CYFIP1: variants seen among roughly 807,000 people sequenced by gnomAD.
The protein encoded by CYFIP1 is cytoplasmic FMR1 interacting protein 1.
A neutral mutation model predicts 163.5 loss-of-function variants in CYFIP1; 58 were observed. The observed-to-expected ratio is 0.35, with a 90% CI of 0.29 to 0.44. The LOEUF is 0.44. Ranked by LOEUF, CYFIP1 falls within the 20% of genes least tolerant of loss-of-function variation. The pLI, the probability that CYFIP1 is intolerant of heterozygous loss-of-function variation, is 1.00. For missense variants in CYFIP1, 1,338 were observed against 1,653.8 expected, an observed-to-expected ratio of 0.81 and a Z score of 3.31; for synonymous variants, 663 against 660.7, an observed-to-expected ratio of 1.00 and a Z score of -0.05.
chr15:22,932,154 T>G lies in CYFIP1; in HGVS notation c.1110+69A>C, dbSNP rs1418504964. 1.3e-5 allele frequency: 15 copies of G among 1,123,296 alleles called. 1 individual carries two copies. In the East Asian group the frequency reaches 3.5e-4, roughly 26 times the overall value. The allele number at this position is 1,123,296 out of a possible 1,614,324, so 69.6% of individuals were successfully genotyped here. A position where few individuals can be genotyped will look rare whatever the true frequency, so the allele number is the denominator to read the frequency against. ...AACTGTTTTTCAAAGCAATTAAACC[T>G]AAGATTTGGGTGCAAACACACACAG... is the stretch of plus-strand genomic sequence containing the variant. On this transcript the variant is annotated intron_variant, in intron 11 of 30. Transcript: ENST00000617928.
At chr15:22,946,246 G>C (rs754833188) in intron 3 of CYFIP1, among the ~76,000 whole-genome samples, 14 of 151,734 alleles carry the variant, frequency 9.2e-5, no homozygotes. Flanking sequence ...TGAGGCTGCA[G>C]TGAGCCCTAA....
rs1201474863 is a variant in CYFIP1 at position 22,883,650 on chromosome 15, T to C, written c.2677-639A>G. Among the ~76,000 whole-genome samples, 6 of 152,048 alleles carry C rather than the reference T, an allele frequency of 3.9e-5. No homozygotes were observed. In the East Asian group the frequency reaches 5.8e-4, roughly 15 times the overall value. On this transcript the variant is annotated intron_variant, in intron 23 of 30. Transcript: ENST00000617928. ...GGCTAACACGGTGAAACCCCGTCTC[T>C]ACTAAATATACAAAAAATTAGCCGG...
At chr15:22,932,183 A>C in intron 11 of CYFIP1, 40 bp downstream of exon 11, 12 of 1,470,212 alleles carry the variant, frequency 8.2e-6, no homozygotes, top group Non-Finnish European at 1.1e-5. Context: ...CACACAGGCG[A>C]CCCTCGGGTG....
Position 22,885,011 on chromosome 15 carries a change from G to C in CYFIP1, c.2677-2000C>G, listed in dbSNP as rs566720022. ...GAGGGGGAACCATAGGGGCAGGGCAGGCCCTGGGCCCAGCCAAGAAAACCA... is the reference window on the plus strand; with the variant it reads ...GAGGGGGAACCATAGGGGCAGGGCACGCCCTGGGCCCAGCCAAGAAAACCA... On this transcript the variant is annotated intron_variant, in intron 23 of 30. Transcript: ENST00000617928. Among the ~76,000 whole-genome samples, 7 of 152,092 alleles carry C rather than the reference G, an allele frequency of 4.6e-5. No individual in the cohort carries two copies. In the South Asian group the frequency reaches 1.2e-3, roughly 27 times the overall value.
chr15:22,976,652 A>C (rs1284269853), intron 1 of CYFIP1, among the ~76,000 whole-genome samples: 1 of 152,194 alleles, frequency 6.6e-6, no homozygotes, highest in East Asian at 1.9e-4. Context: ...TAATTATTCT[A>C]TATTATGAAC....
At chr15:22,903,203 G>A (rs757813078) in intron 22 of CYFIP1, among the ~76,000 whole-genome samples, 10 of 152,118 alleles carry the variant, frequency 6.6e-5, no homozygotes, top group Non-Finnish European at 1.0e-4. Context: ...TAGATGCTGA[G>A]CTCAGTGAGC....
chr15:22,879,613 A>C (rs1337420529), intron 26 of CYFIP1, among the ~76,000 whole-genome samples: 1 of 151,156 alleles, frequency 6.6e-6, no homozygotes, highest in African/African-American at 2.4e-5. Context: ...GCAATGCCTT[A>C]TACCTTACAG....
intron 1 of CYFIP1, among the ~76,000 whole-genome samples, chr15:22,962,206 A>T (rs1412331733): frequency 6.6e-6 from 1 of 152,120 alleles, no homozygotes; most frequent in Admixed American, 6.6e-5. Context: ...GATACATAAT[A>T]ATTCTTGGAC....
rs1415942373 is a variant in CYFIP1, at chr15:22,882,946, A to G, written c.2742T>C (p.Phe914=). Residue 914 remains phenylalanine (F), a synonymous_variant, in exon 24 of 31, where the codon TTT becomes TTC. Transcript: ENST00000617928. ...SYRNFVGPPH[F]QVICRLLGYQ... ...AGCCGAGAAGCCGGCAGATGACTTG[A>G]AAGTGTGGAGGTCCCACGAAGTTCC... 1.9e-6 allele frequency: 3 copies of G among 1,613,980 alleles called. No homozygotes were observed. Among genetic ancestry groups the G allele is most frequent in the Middle Eastern group, 1.6e-4 (1 of 6,084 alleles).
rs769520831 is a variant in CYFIP1 at position 22,925,968 on chromosome 15, C to A, written c.1359+14G>T. 4.0e-5 allele frequency: 64 copies of A among 1,611,620 alleles called. 1 individual carries two copies. In the South Asian group the frequency reaches 4.7e-4, roughly 12 times the overall value. Reference sequence around the variant, plus strand: ...GAGCGACATGAGGAAGAGCGAGCGGCCGAGCATCCTCACCTCCACTAGGGC... The same window carrying A: ...GAGCGACATGAGGAAGAGCGAGCGGACGAGCATCCTCACCTCCACTAGGGC... On this transcript the variant is annotated intron_variant, in intron 13 of 30. Transcript: ENST00000617928.
chr15:22,969,548 A>C (rs968649597), intron 1 of CYFIP1, among the ~76,000 whole-genome samples: 2 of 152,196 alleles, frequency 1.3e-5, no homozygotes, highest in Non-Finnish European at 2.9e-5. Flanking sequence ...TCCTTCTATT[A>C]GATAACCCTC....
chr15:22,888,785 T>C (rs545566967), intron 23 of CYFIP1, among the ~76,000 whole-genome samples: 36 of 151,030 alleles, frequency 2.4e-4, no homozygotes, highest in Non-Finnish European at 4.9e-4. Flanking sequence ...CTCACGCCTT[T>C]ATCCCAGCAC....
intron 6 of CYFIP1, among the ~76,000 whole-genome samples, chr15:22,940,710 A>AG (rs2140079594): frequency 6.6e-6 from 1 of 152,358 alleles, no homozygotes; most frequent in South Asian, 2.1e-4. Context: ...GTTAAACGTA[A>AG]TATTAACTGA....
At position 22,907,032 on chromosome 15, in the gene CYFIP1, C is replaced by T. The variant is rs7180386; in HGVS notation, c.2388+2162G>A. 2.0e-3 allele frequency among the ~76,000 whole-genome samples: 312 copies of T among 152,234 alleles called. 2 individuals are homozygous for T. Among genetic ancestry groups the T allele is most frequent in the African/African-American group, 6.6e-3 (273 of 41,544 alleles). Reference sequence around the variant, plus strand: ...CCAAGAGTAACAGCACTGGCTCAAGCCTTCTGAGACCTGCCTCTCATGCTC... The same window carrying T: ...CCAAGAGTAACAGCACTGGCTCAAGTCTTCTGAGACCTGCCTCTCATGCTC... On this transcript the variant is annotated intron_variant, in intron 21 of 30. Transcript: ENST00000617928.
intron 25 of CYFIP1, among the ~76,000 whole-genome samples, chr15:22,881,637 G>A (rs1021519924): frequency 2.0e-5 from 3 of 152,102 alleles, no homozygotes; most frequent in Middle Eastern, 3.2e-3. Flanking sequence ...GTGTTCAGGG[G>A]TCTCTTGTCT....
chr15:22,873,517 G>C lies in CYFIP1; in HGVS notation c.3423C>G (p.Pro1141=). ...CGACTGTGAACTCGTGTGTCCCCACGGGAATGCAGTAGACAAACTGCATGG... is the reference window on the plus strand; with the variant it reads ...CGACTGTGAACTCGTGTGTCCCCACCGGAATGCAGTAGACAAACTGCATGG... ...WSAMQFVYCI[P]VGTHEFTVEQ... is the part of the protein sequence containing the mutation. The change falls in exon 29 of 31, where the codon CCC becomes CCG. Residue 1141 remains proline, a synonymous_variant. Coordinates refer to ENST00000617928, the MANE Select transcript of CYFIP1 (RefSeq NM_014608.6). The C allele has an allele frequency of 6.2e-7, 1 of 1,613,954 alleles. No individual in the cohort carries two copies. The highest frequency in any genetic ancestry group is 8.5e-7 in the Non-Finnish European group (1 of 1,179,860).
intron 1 of CYFIP1, among the ~76,000 whole-genome samples, chr15:22,969,897 G>A (rs887786968): frequency 1.3e-5 from 2 of 152,134 alleles, no homozygotes; most frequent in African/African-American, 4.8e-5. Context: ...CAGACCTGCG[G>A]ACAAAAATTA....
At chr15:22,893,957 C>T (rs1014527812) in intron 22 of CYFIP1, among the ~76,000 whole-genome samples, 1 of 152,102 alleles carries the variant, frequency 6.6e-6, no homozygotes, top group Admixed American at 6.6e-5. Context: ...TCTTAACACC[C>T]GTTCCAGGAA....
At chr15:22,956,164 G>A (rs1349293595) in intron 1 of CYFIP1, among the ~76,000 whole-genome samples, 2 of 152,020 alleles carry the variant, frequency 1.3e-5, no homozygotes, top group African/African-American at 4.8e-5. Flanking sequence ...CTGAGATCGC[G>A]CCACTGCACT....
Sources: allele counts gnomAD v4.1 joint callset (sites outside exome capture counted in the v4.1 genomes callset), GRCh38; gene constraint gnomAD v4.1.1; transcripts MANE v1.5; gene names NCBI Gene and HGNC (gene_info 2026-07-23, HGNC 2026-07-21).